TBCD: variants seen among roughly 807,000 people sequenced by gnomAD.
TBCD encodes tubulin folding cofactor D, also known as tubulin-specific chaperone D.
Under a neutral mutation model 169.3 loss-of-function variants are expected in TBCD, and 105 were observed. That is an observed-to-expected ratio of 0.62 (90% confidence interval 0.53 to 0.73). The LOEUF is 0.73. Among genes scored for constraint, TBCD ranks in the 30% least tolerant of loss-of-function variants. TBCD has a pLI of 0.00. For missense variants in TBCD, 1,444 were observed against 1,600.1 expected (o/e 0.90, Z 1.66); for synonymous variants, 700 against 643.9 (o/e 1.09, Z -1.32).
intron 11 of TBCD, among the ~76,000 whole-genome samples, chr17:82,809,110 C>T (rs570456376): frequency 1.9e-4 from 29 of 152,176 alleles, no homozygotes; most frequent in African/African-American, 6.0e-4. Context: ...TGTTGCTGTA[C>T]GCAGGGGATG....
chr17:82,922,779 G>A lies in TBCD; in HGVS notation c.2179-873G>A, dbSNP rs1193828798. 6.6e-6 allele frequency among the ~76,000 whole-genome samples: 1 copy of A among 152,190 alleles called. No homozygotes were observed. Among genetic ancestry groups the A allele is most frequent in the Non-Finnish European group, 1.5e-5 (1 of 68,028 alleles). ...GCCCCGCCCCCAGTGCCTCTCCAAGGCTGCTCTGTTGGCCTCGGCTCCTGG... is the reference window on the plus strand; with the variant it reads ...GCCCCGCCCCCAGTGCCTCTCCAAGACTGCTCTGTTGGCCTCGGCTCCTGG... On this transcript the variant is annotated intron_variant, in intron 25 of 38. Transcript: ENST00000355528. The surrounding 1 kb of genome is among the most constrained non-coding windows in gnomAD (Gnocchi z 4.1).
intron 13 of TBCD, among the ~76,000 whole-genome samples, chr17:82,851,291 T>G (rs1474877968): frequency 6.6e-6 from 1 of 152,058 alleles, no homozygotes; most frequent in African/African-American, 2.4e-5. Flanking sequence ...AGTTTAAAAA[T>G]AAAAATAAAC....
At chr17:82,935,958 A>G (rs936104681) in intron 34 of TBCD, among the ~76,000 whole-genome samples, 2 of 152,226 alleles carry the variant, frequency 1.3e-5, no homozygotes, top group African/African-American at 2.4e-5. Context: ...TTCAGAGGGT[A>G]TATAGAATTC....
At position 82,932,677 on chromosome 17, in the gene TBCD, A is replaced by C; in HGVS notation, c.3133A>C (p.Lys1045Gln). The change falls in exon 34 of 39, where the codon AAG (lysine) becomes CAG (glutamine). Residue 1045 changes from lysine (K) to glutamine (Q), a missense_variant. Lys to Gln is a moderately conservative substitution (Grantham distance 53). Transcript: ENST00000355528. Reference sequence around the variant, plus strand: ...CCTCAGGGTGTCCGTGCCGCTGCTGAAGACGCTGGACCACGTGCTCACCCA... The same window carrying C: ...CCTCAGGGTGTCCGTGCCGCTGCTGCAGACGCTGGACCACGTGCTCACCCA... ...LNERVSVPLL[K>Q]TLDHVLTHGC... 6.2e-7 allele frequency: 1 copy of C among 1,613,734 alleles called. No homozygotes were observed. The highest frequency in any genetic ancestry group is 8.5e-7 in the Non-Finnish European group (1 of 1,179,860).
chr17:82,914,439 T>C (rs62076067), intron 23 of TBCD, among the ~76,000 whole-genome samples: 6,581 of 152,310 alleles, frequency 0.043, 215 homozygotes, highest in Non-Finnish European at 0.066. Flanking sequence ...AGGGCATCTT[T>C]ATGGGAGGCA....
At position 82,889,259 on chromosome 17, in the gene TBCD, G is replaced by C. The variant is rs540465527; in HGVS notation, c.1534-409G>C. On this transcript the variant is annotated intron_variant, in intron 15 of 38. Coordinates refer to ENST00000355528, the MANE Select transcript of TBCD (RefSeq NM_005993.5). The surrounding 1 kb of genome is among the most constrained non-coding windows in gnomAD (Gnocchi z 5.3). ...GACACCGTGCCATGGGTGCGGGCAGGGCGCCCTCCCTGGAGGGCGGCACGT... is the reference window on the plus strand; with the variant it reads ...GACACCGTGCCATGGGTGCGGGCAGCGCGCCCTCCCTGGAGGGCGGCACGT... Among the ~76,000 whole-genome samples, 2 of 152,108 alleles carry C rather than the reference G, an allele frequency of 1.3e-5. No homozygotes were observed. The highest frequency in any genetic ancestry group is 2.1e-4 in the South Asian group (1 of 4,832).
At chr17:82,819,050 C>T (rs531575962) in intron 13 of TBCD, among the ~76,000 whole-genome samples, 1 of 151,954 alleles carries the variant, frequency 6.6e-6, no homozygotes, top group East Asian at 1.9e-4. Context: ...AGAGCAAGAT[C>T]CTGTCTCAAA....
intron 7 of TBCD, among the ~76,000 whole-genome samples, chr17:82,787,721 G>GAGT (rs2049417341): frequency 6.6e-6 from 1 of 152,220 alleles, no homozygotes; most frequent in Non-Finnish European, 1.5e-5. Flanking sequence ...CTCTCAACAA[G>GAGT]TACCATCGAA....
At chr17:82,800,781 G>A (rs1372645419) in intron 8 of TBCD, 83 bp from the exon 9 acceptor site, 28 of 1,513,418 alleles carry the variant, frequency 1.9e-5, no homozygotes, top group Middle Eastern at 2.1e-4. Flanking sequence ...CTGTGGAGCC[G>A]GCTGTTGGTT....
chr17:82,781,138 G>T (rs1399462499), intron 6 of TBCD, among the ~76,000 whole-genome samples: 1 of 152,124 alleles, frequency 6.6e-6, no homozygotes, highest in Non-Finnish European at 1.5e-5. Context: ...CAGGTGTGGG[G>T]GAGGGAGGTC....
chr17:82,935,091 G>T (rs2062512913), intron 34 of TBCD, among the ~76,000 whole-genome samples: 2 of 151,994 alleles, frequency 1.3e-5, no homozygotes, highest in Admixed American at 1.3e-4. Flanking sequence ...TCCAAGATAG[G>T]ATGGTAGAGA....
In TBCD at chr17:82,930,199, G is replaced by A. The variant is rs905824713; in HGVS notation, c.2992-323G>A. The A allele has an allele frequency of 1.6e-5, 6 of 368,926 alleles. No homozygotes were observed. In the East Asian group the frequency reaches 2.8e-4, roughly 17 times the overall value. 22.9% of individuals were successfully genotyped at this position (368,926 alleles called of 1,614,324 possible). A position where few individuals can be genotyped will look rare whatever the true frequency, so the allele number is the denominator to read the frequency against. On this transcript the variant is annotated intron_variant, in intron 32 of 38. Transcript: ENST00000355528. This position sits in a 1 kb window ranked among gnomAD's most constrained non-coding sequence, Gnocchi z 5.2. The stretch of plus-strand genomic sequence containing the variant: ...ACATTCTGCACTCGGGAATTGCGGG[G>A]ATTATCAAATCCCGCTTCAGTGGGA...
intron 26 of TBCD, among the ~76,000 whole-genome samples, chr17:82,924,011 G>A (rs1455378325): frequency 6.6e-6 from 1 of 152,176 alleles, no homozygotes; most frequent in African/African-American, 2.4e-5. Flanking sequence ...CTGGAGTGGT[G>A]TGGCGTGATT....
chr17:82,923,703 GA>G lies in TBCD; in HGVS notation c.2231del (p.Glu744GlyfsTer13), dbSNP rs2061553329. The G allele has an allele frequency of 6.3e-7, 1 of 1,599,240 alleles. No homozygotes were observed. The highest frequency in any genetic ancestry group is 8.5e-7 in the Non-Finnish European group (1 of 1,173,142). ...TCTATGCAGTGAATATTACATGAAG[GA>G]GCCGGGGGAGGCAGATCCCGCAATT... ...AALCSEYYMK[E>X]PGEADPAIQE... is the part of the protein sequence containing the mutation. On this transcript the variant is annotated frameshift_variant, in exon 26 of 39. Coordinates refer to ENST00000355528, the MANE Select transcript of TBCD (RefSeq NM_005993.5). LOFTEE classifies it high-confidence loss of function. This position sits in a 1 kb window ranked among gnomAD's most constrained non-coding sequence, Gnocchi z 4.6.
chr17:82,859,475 C>G, intron 13 of TBCD: 7 of 892,526 alleles, frequency 7.8e-6, no homozygotes, highest in Non-Finnish European at 9.4e-6. Flanking sequence ...GCTCTGTGTC[C>G]TCCCTACACT....
Position 82,812,800 on chromosome 17 carries a change from C to T in TBCD, c.1224-2040C>T, listed in dbSNP as rs539098772. 2.3e-4 allele frequency among the ~76,000 whole-genome samples: 35 copies of T among 152,284 alleles called. 1 individual carries two copies. The highest frequency in any genetic ancestry group is 1.2e-3 in the South Asian group (6 of 4,824). On this transcript the variant is annotated intron_variant, in intron 12 of 38. Coordinates refer to ENST00000355528, the MANE Select transcript of TBCD (RefSeq NM_005993.5). ...TTGTGATCAGCCCGCCTCGGCCTCC[C>T]GGAGTGCTGGGATGACAGGCTGAGC...
At chr17:82,811,227 C>T (rs2051416301) in intron 12 of TBCD, among the ~76,000 whole-genome samples, 1 of 152,336 alleles carries the variant, frequency 6.6e-6, no homozygotes, top group Admixed American at 6.5e-5. Flanking sequence ...GGGCTCCAGG[C>T]CGGGCCTGCC....
chr17:82,770,927 A>C (rs895774737), intron 5 of TBCD, among the ~76,000 whole-genome samples: 1 of 151,892 alleles, frequency 6.6e-6, no homozygotes, highest in Non-Finnish European at 1.5e-5. Flanking sequence ...TTCTCTTACA[A>C]ATGAACAGCT....
At chr17:82,818,156 T>C (rs1187746772) in intron 13 of TBCD, among the ~76,000 whole-genome samples, 1 of 152,214 alleles carries the variant, frequency 6.6e-6, no homozygotes, top group African/African-American at 2.4e-5. Context: ...AAGCTATGGT[T>C]CAGAAACTGA....
Sources: gnomAD v4.1 joint callset for allele counts (sites outside exome capture counted in the v4.1 genomes callset) on GRCh38, gnomAD v4.1.1 for gene constraint, Gnocchi (gnomAD v3.1) non-coding constraint, MANE v1.5 for transcripts, NCBI Gene and HGNC (gene_info 2026-07-23, HGNC 2026-07-21) for gene names.